The following PCDH15 variants were observed in gnomAD, a reference collection of about 807,000 sequenced individuals.
The protein encoded by PCDH15 is protocadherin related 15.
A neutral mutation model predicts 178.5 loss-of-function variants in PCDH15; 129 were observed. That is an observed-to-expected ratio of 0.72 (90% CI 0.63 to 0.84). The LOEUF (loss-of-function observed/expected upper bound fraction) is 0.84, where lower values mean the gene tolerates loss of function less well. PCDH15 is among the 40% of genes least tolerant of loss of function. The pLI is 0.00. For synonymous variants in PCDH15, 800 were observed against 732.0 expected, an observed-to-expected ratio of 1.09 and a Z score of -1.50; for missense variants, 2,230 against 2,099.9, an observed-to-expected ratio of 1.06 and a Z score of -1.21.
intron 26 of PCDH15, among the ~76,000 whole-genome samples, chr10:53,894,158 T>A (rs1056195105): frequency 3.3e-5 from 5 of 152,336 alleles, no homozygotes; most frequent in African/African-American, 9.6e-5. Flanking sequence ...TCTGCTTAGA[T>A]GAAATTTAAA....
At chr10:54,251,884 C>G (rs1284017455) in intron 8 of PCDH15, among the ~76,000 whole-genome samples, 2 of 151,986 alleles carry the variant, frequency 1.3e-5, no homozygotes, top group Non-Finnish European at 2.9e-5. Context: ...ATATTCCATT[C>G]TTAATTAAAT....
At chr10:54,649,297 A>G (rs755961459) in intron 2 of PCDH15, among the ~76,000 whole-genome samples, 4 of 152,206 alleles carry the variant, frequency 2.6e-5, no homozygotes, top group African/African-American at 9.6e-5. Context: ...TACTAATTTG[A>G]TCTGTAATAA....
At chr10:54,384,341 C>T (rs1289891165) in intron 3 of PCDH15, among the ~76,000 whole-genome samples, 26 of 144,388 alleles carry the variant, frequency 1.8e-4, no homozygotes, top group African/African-American at 6.7e-4. Context: ...TTTTTTTTAA[C>T]TAAAACTTCA....
intron 3 of PCDH15, among the ~76,000 whole-genome samples, chr10:54,445,500 G>A (rs2076093926): frequency 6.6e-6 from 1 of 151,422 alleles, no homozygotes; most frequent in African/African-American, 2.4e-5. Flanking sequence ...TTTAGGCTAG[G>A]TTACTTTAAA....
chr10:55,304,065 C>T (rs1039365297), intron 1 of PCDH15, among the ~76,000 whole-genome samples: 3 of 152,026 alleles, frequency 2.0e-5, no homozygotes, highest in Non-Finnish European at 4.4e-5. Flanking sequence ...ATCTGTGTCT[C>T]ACAAATTTTG....
intron 13 of PCDH15, among the ~76,000 whole-genome samples, chr10:54,155,063 T>C (rs1472116356): frequency 6.6e-6 from 1 of 152,198 alleles, no homozygotes; most frequent in East Asian, 1.9e-4. Flanking sequence ...AAATCTTAAT[T>C]AAAATTTAGC....
intron 8 of PCDH15, among the ~76,000 whole-genome samples, chr10:54,237,495 T>C (rs2054757706): frequency 6.6e-6 from 1 of 152,218 alleles, no homozygotes; most frequent in Admixed American, 6.5e-5. Flanking sequence ...AAATAATGTT[T>C]AAAATTATAA....
At chr10:54,190,080 T>C (rs1017104273) in intron 11 of PCDH15, among the ~76,000 whole-genome samples, 1 of 152,112 alleles carries the variant, frequency 6.6e-6, no homozygotes, top group African/African-American at 2.4e-5. Context: ...AAATCTACAC[T>C]GTGAATACTA....
intron 3 of PCDH15, among the ~76,000 whole-genome samples, chr10:54,837,620 A>G (rs1191646901): frequency 2.0e-5 from 3 of 152,184 alleles, no homozygotes; most frequent in Non-Finnish European, 4.4e-5. Context: ...GAGTCAATCT[A>G]AACTATGTAA....
chr10:54,249,261 T>G (rs1315625144), intron 8 of PCDH15, among the ~76,000 whole-genome samples: 1 of 152,234 alleles, frequency 6.6e-6, no homozygotes, highest in African/African-American at 2.4e-5. Context: ...TCAATAAATA[T>G]GCATCAAAAA....
chr10:55,377,913 T>C (rs1241814317), intron 2 of PCDH15, among the ~76,000 whole-genome samples: 1 of 152,052 alleles, frequency 6.6e-6, no homozygotes, highest in Non-Finnish European at 1.5e-5. Context: ...CGTGGCGACA[T>C]AGATGAAGCT....
rs1564726450 is a variant in PCDH15 at position 55,024,104 on chromosome 10, CATATATATATAGGAAGGAATATAT to C, written c.-79-126628_-79-126605del. 5.7e-3 allele frequency among the ~76,000 whole-genome samples: 781 copies of C among 137,506 alleles called. 3 individuals are homozygous for C. The highest frequency in any genetic ancestry group is 0.018 in the African/African-American group (671 of 36,550). 90.2% of individuals were successfully genotyped at this position (137,506 alleles called of 152,430 possible). ...ATATATATATATAGGAAGGAATATA[CATATATATATAGGAAGGAATATAT>C]ATATATATATAGGAAGGAATATATA... On this transcript the variant is annotated intron_variant, in intron 2 of 5. Coordinates refer to the PCDH15 transcript ENST00000458638.
rs201110389 is a variant in PCDH15, at chr10:53,994,378, TAC to T, written c.2868+1269_2868+1270del. On this transcript the variant is annotated intron_variant, in intron 21 of 37. Coordinates refer to ENST00000644397, the MANE Select transcript of PCDH15 (RefSeq NM_001384140.1). ...ATTGTGTTTCCTTACACTCATTTAT[TAC>T]AGAGTGTTATGGTTTCTATTTGCAA... is the stretch of plus-strand genomic sequence containing the variant. Among the ~76,000 whole-genome samples the T allele has an allele frequency of 7.0e-3, 1,059 of 152,318 alleles. 10 individuals carry two copies. The highest frequency in any genetic ancestry group is 0.021 in the African/African-American group (884 of 41,578).
rs183934968 is a variant in PCDH15 at position 55,626,680 on chromosome 10, C to A, written c.-156+945G>T. On this transcript the variant is annotated intron_variant, in intron 2 of 5. Transcript: ENST00000613346. ...GCCAAAAATCAAGGGCCTTTTCTAA[C>A]AATTCATGTAATTCCTGTTATTAGC... 4.6e-3 allele frequency among the ~76,000 whole-genome samples: 706 copies of A among 152,264 alleles called. 6 individuals are homozygous for A. Among genetic ancestry groups the A allele is most frequent in the African/African-American group, 0.016 (673 of 41,564 alleles).
chr10:55,138,748 C>A (rs894162378), intron 2 of PCDH15, among the ~76,000 whole-genome samples: 3 of 151,990 alleles, frequency 2.0e-5, no homozygotes, highest in African/African-American at 7.2e-5. Flanking sequence ...ATTTTTATCA[C>A]CCCCAAAATT....
At chr10:54,502,366 C>T (rs1035169125) in intron 3 of PCDH15, among the ~76,000 whole-genome samples, 2 of 152,050 alleles carry the variant, frequency 1.3e-5, no homozygotes, top group Non-Finnish European at 2.9e-5. Flanking sequence ...TCACTTGTTT[C>T]GCAGTGTTTC....
intron 8 of PCDH15, among the ~76,000 whole-genome samples, chr10:54,279,982 T>G (rs2058581935): frequency 6.6e-6 from 1 of 151,722 alleles, no homozygotes; most frequent in Admixed American, 6.6e-5. Flanking sequence ...ACATGTCCCA[T>G]TAAAAGGATA....
In PCDH15 at chr10:54,047,188, A is replaced by C. The variant is rs141422165; in HGVS notation, c.2220+19569T>G. Among the ~76,000 whole-genome samples, 302 of 152,258 alleles carry C rather than the reference A, an allele frequency of 2.0e-3. 1 individual carries two copies. The highest frequency in any genetic ancestry group is 7.0e-3 in the African/African-American group (290 of 41,578). On this transcript the variant is annotated intron_variant, in intron 18 of 37. Coordinates refer to ENST00000644397, the MANE Select transcript of PCDH15 (RefSeq NM_001384140.1). ...TGGGGAAATGGAAAACACAATTTCAAATACATGACCAAATAGGCTGATAGC... is the reference window on the plus strand; with the variant it reads ...TGGGGAAATGGAAAACACAATTTCACATACATGACCAAATAGGCTGATAGC...
chr10:54,726,180 A>T (rs1942472002), intron 1 of PCDH15, among the ~76,000 whole-genome samples: 1 of 151,486 alleles, frequency 6.6e-6, no homozygotes, highest in Admixed American at 6.6e-5. Context: ...AAATATATTG[A>T]CCACAGTTTT....
Sources: allele counts gnomAD v4.1 joint callset (sites outside exome capture counted in the v4.1 genomes callset), GRCh38; gene constraint gnomAD v4.1.1; transcripts MANE v1.5; gene names NCBI Gene and HGNC (gene_info 2026-07-23, HGNC 2026-07-21).